ANK3: variants seen among roughly 807,000 people sequenced by gnomAD.
The protein encoded by ANK3 is ankyrin 3.
ANK3 carries 57 observed loss-of-function variants against 370.9 expected under a neutral mutation model. That is an observed-to-expected ratio of 0.15 (90% CI 0.12 to 0.19). The LOEUF (loss-of-function observed/expected upper bound fraction) is 0.19. Ranked by LOEUF, ANK3 falls within the 10% of genes least tolerant of loss-of-function variation. The pLI is 1.00. For missense variants in ANK3, 4,439 were observed against 5,302.1 expected, an observed-to-expected ratio of 0.84 and a Z score of 5.06; for synonymous variants, 1,929 against 1,946.3, an observed-to-expected ratio of 0.99 and a Z score of 0.23.
In ANK3 at chr10:60,139,031, C is replaced by T. The variant is rs753404464; in HGVS notation, c.2671G>A (p.Glu891Lys). The change falls in exon 24 of 44, where the codon GAA becomes AAA. Residue 891 changes from glutamate to lysine, a missense_variant. Glu to Lys is a moderately conservative substitution (Grantham distance 56). Transcript: ENST00000280772. ...GCAGGCAGGGAATCATCACCCAATT[C>T]CTTAAGGTCCTGTGGCCCAAGATAT... ...DKYLGPQDLKELGDDSLPAEG... is the reference protein window; with the variant it reads ...DKYLGPQDLKKLGDDSLPAEG... The T allele has an allele frequency of 6.2e-7, 1 of 1,613,710 alleles. No individual in the cohort carries two copies. The highest frequency in any genetic ancestry group is 2.2e-5 in the East Asian group (1 of 44,872).
At chr10:60,431,357 T>G (rs1167265270) in intron 2 of ANK3, among the ~76,000 whole-genome samples, 12 of 152,170 alleles carry the variant, frequency 7.9e-5, no homozygotes, top group Admixed American at 2.0e-4. Context: ...GAGACTCTAA[T>G]GCCGCTGCTG....
chr10:60,478,285 A>T (rs993364588), intron 2 of ANK3, among the ~76,000 whole-genome samples: 18 of 152,086 alleles, frequency 1.2e-4, no homozygotes, highest in African/African-American at 4.3e-4. Context: ...GAAAATTGCC[A>T]TTTCTCATAC....
intron 2 of ANK3, among the ~76,000 whole-genome samples, chr10:60,432,057 T>A (rs1179244087): frequency 6.6e-6 from 1 of 152,218 alleles, no homozygotes; most frequent in Non-Finnish European, 1.5e-5. Flanking sequence ...ATAAACATTA[T>A]TCTGATGGCT....
chr10:60,515,559 T>A (rs908261561), intron 2 of ANK3, among the ~76,000 whole-genome samples: 4 of 152,134 alleles, frequency 2.6e-5, no homozygotes, highest in Non-Finnish European at 5.9e-5. Context: ...TTATAAATCA[T>A]TATTAAAATA....
At chr10:60,241,062 A>G (rs1338798530) in intron 7 of ANK3, among the ~76,000 whole-genome samples, 2 of 152,140 alleles carry the variant, frequency 1.3e-5, no homozygotes, top group Non-Finnish European at 2.9e-5. Flanking sequence ...TTCAACTCTC[A>G]TCCCTTGCTT....
chr10:60,483,654 T>C (rs1595122239), intron 2 of ANK3, among the ~76,000 whole-genome samples: 1 of 152,294 alleles, frequency 6.6e-6, no homozygotes, highest in South Asian at 2.1e-4. Flanking sequence ...ACAGAGCATA[T>C]TTTGTTAGGC....
chr10:60,309,083 G>T (rs2045802432), intron 1 of ANK3, among the ~76,000 whole-genome samples: 1 of 152,122 alleles, frequency 6.6e-6, no homozygotes, highest in African/African-American at 2.4e-5. Flanking sequence ...AGATACAAAA[G>T]AATAAATCAT....
intron 5 of ANK3, among the ~76,000 whole-genome samples, chr10:60,265,293 G>A (rs540877818): frequency 2.0e-5 from 3 of 152,244 alleles, no homozygotes; most frequent in African/African-American, 7.2e-5. Flanking sequence ...TAACCACCAT[G>A]TTCCTCTCTG....
At chr10:60,279,752 GAA>G (rs2098135259) in intron 1 of ANK3, 113 bp from the exon 2 acceptor site, 1 of 797,510 alleles carries the variant, frequency 1.3e-6, no homozygotes. Context: ...TTTCTAACAT[GAA>G]AATATGAATA....
At chr10:60,364,069 A>G (rs2132751246) in intron 1 of ANK3, among the ~76,000 whole-genome samples, 1 of 150,202 alleles carries the variant, frequency 6.7e-6, no homozygotes, top group Non-Finnish European at 1.5e-5. Flanking sequence ...TGAGGCGGGC[A>G]GATCACTGAA....
At chr10:60,525,455 TC>T (rs1463522541) in intron 2 of ANK3, among the ~76,000 whole-genome samples, 1 of 152,098 alleles carries the variant, frequency 6.6e-6, no homozygotes, top group Non-Finnish European at 1.5e-5. Flanking sequence ...AACTATTAGT[TC>T]CTTTTGAAAG....
intron 2 of ANK3, among the ~76,000 whole-genome samples, chr10:60,444,637 T>A (rs1033879400): frequency 3.3e-5 from 5 of 152,152 alleles, no homozygotes; most frequent in Admixed American, 6.5e-5. Context: ...GTTTGGAATT[T>A]TAACTGAATT....
rs745987844 is a variant in ANK3, at chr10:60,071,045, A to T, written c.9836T>A (p.Val3279Asp). The T allele has an allele frequency of 6.2e-7, 1 of 1,613,956 alleles. No homozygotes were observed. The highest frequency in any genetic ancestry group is 8.5e-7 in the Non-Finnish European group (1 of 1,179,976). ...KKHHYLPEKE[V>D]DMIEVNLQDE... ...TTGCAGATTGACTTCAATCATGTCAACCTCTTTTTCTGGGAGATAATGATG... is the reference window on the plus strand; with the variant it reads ...TTGCAGATTGACTTCAATCATGTCATCCTCTTTTTCTGGGAGATAATGATG... Residue 3279 changes from valine (V) to aspartate (D), a missense_variant, in exon 37 of 44, where the codon GTT (valine) becomes GAT (aspartate). By Grantham distance (152) the Val-to-Asp change is radical. This residue lies in a region of ANK3 where 1,601 missense variants were observed against 1,731.7 expected (regional missense o/e 0.92). Transcript: ENST00000280772.
intron 43 of ANK3, among the ~76,000 whole-genome samples, chr10:60,033,246 T>C (rs2074105631): frequency 6.6e-6 from 1 of 151,572 alleles, no homozygotes; most frequent in African/African-American, 2.4e-5. Context: ...ACGTCTGTAA[T>C]CCCAGCACTT....
rs2131970794 is a variant in ANK3 at position 60,071,223 on chromosome 10, G to C, written c.9658C>G (p.Gln3220Glu). The change falls in exon 37 of 44, where the codon CAG (glutamine) becomes GAG (glutamate). Residue 3220 changes from glutamine (Q) to glutamate (E), a missense_variant. Gln to Glu is a conservative substitution (Grantham distance 29, BLOSUM62 2). Around this residue, in one of 13 missense-constraint regions of ANK3, gnomAD observed 1,601 missense variants for 1,731.7 expected, o/e 0.92. Transcript: ENST00000280772. ...ACTGCTGTTTCCTCCACTGTAGTCT[G>C]CTTAAGGGAGGTTGACTTGGCCTGT... ...EEQAKSTSLK[Q>E]TTVEETAVER... is the part of the protein sequence containing the mutation. 6.2e-7 allele frequency: 1 copy of C among 1,614,118 alleles called. No homozygotes were observed. The highest frequency in any genetic ancestry group is 2.2e-5 in the East Asian group (1 of 44,880).
intron 9 of ANK3, among the ~76,000 whole-genome samples, chr10:60,209,674 C>T (rs1006451983): frequency 2.0e-5 from 3 of 152,128 alleles, no homozygotes; most frequent in African/African-American, 7.2e-5. Flanking sequence ...AGGAACATTT[C>T]CCATTTGAGA....
chr10:60,255,471 G>A (rs994004384), intron 7 of ANK3, among the ~76,000 whole-genome samples: 4 of 152,186 alleles, frequency 2.6e-5, no homozygotes, highest in Non-Finnish European at 5.9e-5. Context: ...GATGACTAGG[G>A]CATCTCAACT....
In ANK3 at chr10:60,648,893, C is replaced by A. The variant is rs1042641144; in HGVS notation, c.58-33669G>T. ...TCCTGCTCCTGCTCCTGCTCCTGCT[C>A]CCCCAAAACCAAGGAGAATCTGCTA... On this transcript the variant is annotated intron_variant, in intron 1 of 43. Transcript: ENST00000373827. Among the ~76,000 whole-genome samples the A allele has an allele frequency of 2.8e-5, 4 of 142,570 alleles. No homozygotes were observed. In the Admixed American group the frequency reaches 2.9e-4, roughly 10 times the overall value. The allele number at this position is 142,570 out of a possible 152,430, so 93.5% of individuals were successfully genotyped here. A position where few individuals can be genotyped will look rare whatever the true frequency, so the allele number is the denominator to read the frequency against.
In ANK3 at chr10:60,186,809, C is replaced by A. The variant is rs777390296; in HGVS notation, c.1991G>T (p.Gly664Val). The A allele has an allele frequency of 5.6e-6, 9 of 1,614,162 alleles. No homozygotes were observed. Among genetic ancestry groups the A allele is most frequent in the South Asian group, 1.1e-5 (1 of 91,078 alleles). Residue 664 changes from glycine to valine, a missense_variant, in exon 17 of 44, where the codon GGA (glycine) becomes GTA (valine). Coordinates refer to ENST00000280772, the MANE Select transcript of ANK3 (RefSeq NM_020987.5). ...AGCTGCGAGATGGACGGAAGCAATT[C>A]CTTGCCGGGTAACTGCGTTGGCATC... ...GADANAVTRQGIASVHLAAQE... is the reference protein window; with the variant it reads ...GADANAVTRQVIASVHLAAQE...
Sources: allele counts gnomAD v4.1 joint callset (sites outside exome capture counted in the v4.1 genomes callset), GRCh38; gene constraint gnomAD v4.1.1; regional missense constraint gnomAD v4.1.1; transcripts MANE v1.5; gene names NCBI Gene and HGNC (gene_info 2026-07-23, HGNC 2026-07-21).